ANKRD44: variants seen among roughly 807,000 people sequenced by gnomAD.
The protein encoded by ANKRD44 is serine/threonine-protein phosphatase 6 regulatory ankyrin repeat subunit B.
Under a neutral mutation model 116.0 loss-of-function variants are expected in ANKRD44, and 35 were observed. The observed-to-expected ratio is 0.30, with a 90% CI of 0.23 to 0.40. The LOEUF is 0.40. Ranked by LOEUF, ANKRD44 falls within the 10% of genes least tolerant of loss-of-function variation. The pLI is 1.00. For missense variants in ANKRD44, 1,014 were observed against 1,242.6 expected (o/e 0.82, Z 2.77); for synonymous variants, 435 against 461.8 (o/e 0.94, Z 0.74).
At chr2:197,005,323 TATTAA>T (rs2076182978) in intron 21 of ANKRD44, among the ~76,000 whole-genome samples, 1 of 152,180 alleles carries the variant, frequency 6.6e-6, no homozygotes, top group South Asian at 2.1e-4. Flanking sequence ...TGTGACAGGT[TATTAA>T]ATTATATACA....
At chr2:197,136,548 T>A in intron 4 of ANKRD44, 44 bp downstream of exon 4, 1 of 1,573,492 alleles carries the variant, frequency 6.4e-7, no homozygotes. Context: ...CTTTTTCTTT[T>A]TCTAGGCACA....
intron 16 of ANKRD44, chr2:197,029,298 A>G (rs993560198): frequency 8.7e-6 from 2 of 229,592 alleles, no homozygotes; most frequent in Non-Finnish European, 1.7e-5. Context: ...GTGTCCTGAC[A>G]CATGGTGTTT....
intron 17 of ANKRD44, among the ~76,000 whole-genome samples, chr2:197,016,213 C>T (rs1274912471): frequency 1.3e-5 from 2 of 152,090 alleles, no homozygotes; most frequent in South Asian, 2.1e-4. Flanking sequence ...TCACAGCCAC[C>T]GTTTGCAAAA....
chr2:197,108,655 C>T (rs1479515612), intron 9 of ANKRD44, among the ~76,000 whole-genome samples: 8 of 152,112 alleles, frequency 5.3e-5, no homozygotes, highest in Admixed American at 5.2e-4. Flanking sequence ...CTGGTCAACA[C>T]ATGGCAAAAC....
chr2:197,046,721 T>A (rs2077008658), intron 16 of ANKRD44, among the ~76,000 whole-genome samples: 1 of 152,184 alleles, frequency 6.6e-6, no homozygotes, highest in South Asian at 2.1e-4. Context: ...TCTCAATTCT[T>A]TTTCTAATAG....
At chr2:197,241,226 A>G (rs2082083951) in intron 1 of ANKRD44, among the ~76,000 whole-genome samples, 1 of 152,232 alleles carries the variant, frequency 6.6e-6, no homozygotes, top group Admixed American at 6.5e-5. Flanking sequence ...TAAATTTGTC[A>G]AAGTATGAGG....
At chr2:197,041,599 G>A (rs1218096491) in intron 16 of ANKRD44, among the ~76,000 whole-genome samples, 1 of 152,130 alleles carries the variant, frequency 6.6e-6, no homozygotes, top group Non-Finnish European at 1.5e-5. Flanking sequence ...CCTTTAGAGT[G>A]TTGAATTCAT....
At chr2:197,186,900 T>G in intron 2 of ANKRD44, 123 bp downstream of exon 2, 1 of 714,972 alleles carries the variant, frequency 1.4e-6, no homozygotes, top group Non-Finnish European at 2.4e-6. Flanking sequence ...TTAAGAACAG[T>G]GTCCTGAGAA....
chr2:197,047,601 C>G (rs140742608), intron 16 of ANKRD44, among the ~76,000 whole-genome samples: 327 of 152,186 alleles, frequency 2.1e-3, no homozygotes, highest in Non-Finnish European at 3.3e-3. Flanking sequence ...TTTTCCAAAA[C>G]AGAGAGGGGG....
chr2:197,177,749 T>C lies in ANKRD44; in HGVS notation c.111+9274A>G, dbSNP rs539499531. 5.3e-5 allele frequency among the ~76,000 whole-genome samples: 8 copies of C among 152,254 alleles called. No homozygotes were observed. In the East Asian group the frequency reaches 1.5e-3, roughly 29 times the overall value. ...CAGCTATAATTAATGTTTTGGAGAA[T>C]ATTCTTCTAGATTTCTTCTTCTATA... On this transcript the variant is annotated intron_variant, in intron 2 of 27. Coordinates refer to ENST00000282272, the MANE Select transcript of ANKRD44 (RefSeq NM_001195144.2).
At chr2:197,209,636 A>T (rs562631922) in intron 1 of ANKRD44, among the ~76,000 whole-genome samples, 2 of 152,224 alleles carry the variant, frequency 1.3e-5, no homozygotes, top group East Asian at 3.8e-4. Context: ...TGGATGATCC[A>T]CCAGTTATGT....
intron 8 of ANKRD44, among the ~76,000 whole-genome samples, chr2:197,113,320 C>A (rs943526988): frequency 1.3e-5 from 2 of 152,274 alleles, no homozygotes; most frequent in Admixed American, 6.5e-5. Context: ...TAAAACACCC[C>A]CTTCCAATTA....
At chr2:197,147,683 G>T (rs11688574) in intron 2 of ANKRD44, among the ~76,000 whole-genome samples, 95,473 of 151,694 alleles carry the variant, frequency 0.63, 33,727 homozygotes, top group East Asian at 0.93. Flanking sequence ...CAACAGGCCT[G>T]GTCCCTGCCC....
chr2:197,068,396 AAT>A (rs1553500781), intron 16 of ANKRD44, among the ~76,000 whole-genome samples: 2 of 66,118 alleles, frequency 3.0e-5, no homozygotes, highest in Non-Finnish European at 4.1e-5. Flanking sequence ...ATAAAAAAAA[AAT>A]AAAAATAAAA....
chr2:197,269,114 T>A (rs2082821916), intron 1 of ANKRD44, among the ~76,000 whole-genome samples: 1 of 145,482 alleles, frequency 6.9e-6, no homozygotes, highest in South Asian at 2.2e-4. Context: ...TTGCTACTCA[T>A]AGAGTGTATT....
intron 3 of ANKRD44, among the ~76,000 whole-genome samples, chr2:197,137,506 A>T (rs2079248302): frequency 6.6e-6 from 1 of 152,258 alleles, no homozygotes; most frequent in Admixed American, 6.5e-5. Flanking sequence ...TGGAAAATAG[A>T]AACTTTTTTA....
intron 8 of ANKRD44, among the ~76,000 whole-genome samples, chr2:197,112,742 A>G (rs531265914): frequency 2.5e-4 from 38 of 151,980 alleles, no homozygotes; most frequent in South Asian, 1.9e-3. Context: ...AAAAGAAAAA[A>G]AAAGAAAGAA....
In ANKRD44 at chr2:197,154,174, CTTTTTTTTTTTT is replaced by C. The variant is rs1034922629; in HGVS notation, c.112-7081_112-7070del. 2.1e-4 allele frequency among the ~76,000 whole-genome samples: 22 copies of C among 106,792 alleles called. No individual in the cohort carries two copies. In the South Asian group the frequency reaches 6.3e-3, roughly 31 times the overall value. 70.1% of individuals were successfully genotyped at this position (106,792 alleles called of 152,430 possible). A position where few individuals can be genotyped will look rare whatever the true frequency, so the allele number is the denominator to read the frequency against. On this transcript the variant is annotated intron_variant, in intron 2 of 27. Transcript: ENST00000282272. ...GCCAATATCTGATGCTATCGGCTTT[CTTTTTTTTTTTT>C]TTTTTTTTTTTGAGACGGAGTCTCG...
intron 1 of ANKRD44, among the ~76,000 whole-genome samples, chr2:197,236,540 G>T (rs2081982090): frequency 1.3e-5 from 2 of 152,142 alleles, no homozygotes; most frequent in Admixed American, 1.3e-4. Flanking sequence ...GTTGAAGCCT[G>T]CTCTGGTCTA....
Sources: allele counts gnomAD v4.1 joint callset (sites outside exome capture counted in the v4.1 genomes callset), GRCh38; gene constraint gnomAD v4.1.1; transcripts MANE v1.5; gene names NCBI Gene and HGNC (gene_info 2026-07-23, HGNC 2026-07-21).